The following NKD1 variants were observed in gnomAD, a reference collection of about 807,000 sequenced individuals.
NKD1 encodes protein naked cuticle homolog 1.
In NKD1, 21 loss-of-function variants were observed where a neutral mutation model predicts 56.0. That is an observed-to-expected ratio of 0.38 (90% CI 0.27 to 0.54). The LOEUF is 0.54. NKD1 is among the 20% of genes least tolerant of loss of function. The pLI is 0.82. For missense variants in NKD1, 578 were observed against 642.7 expected, an observed-to-expected ratio of 0.90 and a Z score of 1.09; for synonymous variants, 263 against 265.7, an observed-to-expected ratio of 0.99 and a Z score of 0.10.
intron 3 of NKD1, among the ~76,000 whole-genome samples, chr16:50,592,687 A>G (rs1272301026): frequency 6.6e-6 from 1 of 150,862 alleles, no homozygotes; most frequent in Non-Finnish European, 1.5e-5. Flanking sequence ...CCGGGGCTCC[A>G]GGGATGGCTT....
intron 3 of NKD1, chr16:50,606,834 G>A (rs1223317366): frequency 4.4e-6 from 2 of 456,700 alleles, no homozygotes; most frequent in South Asian, 1.5e-5. Flanking sequence ...GCCTTTCAGG[G>A]GGCGGTGGCA....
intron 4 of NKD1, among the ~76,000 whole-genome samples, chr16:50,618,494 T>C (rs903882978): frequency 6.6e-6 from 1 of 152,200 alleles, no homozygotes; most frequent in Non-Finnish European, 1.5e-5. Flanking sequence ...GGCTGGGGGC[T>C]GTGGTGGCTT....
At chr16:50,548,685 G>A (rs1424734174) in intron 1 of NKD1, 32 bp from the exon 2 acceptor site, 1 of 1,461,326 alleles carries the variant, frequency 6.8e-7, no homozygotes, top group East Asian at 3.0e-5. Context: ...CGCGGCTGCC[G>A]CCGCCGCCGC....
At chr16:50,630,765 TG>T in intron 7 of NKD1, 60 bp from the exon 8 acceptor site, 1 of 1,443,588 alleles carries the variant, frequency 6.9e-7, no homozygotes. Context: ...CAGGCAGCCC[TG>T]GGGAGGGTGG....
chr16:50,555,152 G>A (rs553494153), intron 3 of NKD1, among the ~76,000 whole-genome samples: 36 of 152,256 alleles, frequency 2.4e-4, no homozygotes, highest in Admixed American at 2.0e-3. Flanking sequence ...TGGAGGTGGG[G>A]GGAAGAGCTG....
Position 50,583,055 on chromosome 16 carries a change from G to A in NKD1, c.193-25239G>A, listed in dbSNP as rs139140341. 2.4e-4 allele frequency among the ~76,000 whole-genome samples: 37 copies of A among 152,304 alleles called. 2 individuals carry two copies. In the East Asian group the frequency reaches 5.2e-3, roughly 21 times the overall value. ...CCATTTCAGGATGTGTGCTGCTACCGACTTGGGTGTTAGGCAGAGGGGGCC... is the reference window on the plus strand; with the variant it reads ...CCATTTCAGGATGTGTGCTGCTACCAACTTGGGTGTTAGGCAGAGGGGGCC... On this transcript the variant is annotated intron_variant, in intron 3 of 9. Coordinates refer to ENST00000268459, the MANE Select transcript of NKD1 (RefSeq NM_033119.5).
rs780519274 is a variant in NKD1 at position 50,633,599 on chromosome 16, C to A, written c.1231C>A (p.Gln411Lys). ...KHKHRAKESQ[Q>K]GCRGLQAPLA... ...CAAGCACCGAGCCAAGGAGAGCCAG[C>A]AGGGCTGCCGGGGCCTGCAGGCACC... is the stretch of plus-strand genomic sequence containing the variant. Residue 411 changes from glutamine (Q) to lysine (K), a missense_variant, in exon 10 of 10, where the codon CAG becomes AAG. By Grantham distance (53) the Gln-to-Lys change is moderately conservative (BLOSUM62 1). Transcript: ENST00000268459. This position sits in a 1 kb window ranked among gnomAD's most constrained non-coding sequence, Gnocchi z 4.9. The A allele has an allele frequency of 9.3e-6, 15 of 1,611,186 alleles. No individual in the cohort carries two copies. The highest frequency in any genetic ancestry group is 1.3e-5 in the Non-Finnish European group (15 of 1,179,372).
chr16:50,576,786 T>C (rs1961003318), intron 3 of NKD1, among the ~76,000 whole-genome samples: 1 of 151,974 alleles, frequency 6.6e-6, no homozygotes, highest in Admixed American at 6.6e-5. Flanking sequence ...AAAAACTCAT[T>C]TTGGGAAAAG....
intron 3 of NKD1, chr16:50,573,971 A>T: frequency 5.1e-6 from 5 of 981,030 alleles, no homozygotes; most frequent in Non-Finnish European, 6.1e-6. Context: ...TATGACATAT[A>T]TGTATGTATA....
At chr16:50,581,876 A>C (rs755789123) in intron 3 of NKD1, among the ~76,000 whole-genome samples, 1 of 152,174 alleles carries the variant, frequency 6.6e-6, no homozygotes, top group Non-Finnish European at 1.5e-5. Context: ...TGGAAAGGGC[A>C]GGGTGGTTCA....
chr16:50,627,976 G>A (rs573309989), intron 6 of NKD1, among the ~76,000 whole-genome samples: 1 of 152,164 alleles, frequency 6.6e-6, no homozygotes, highest in Admixed American at 6.5e-5. Context: ...GAGCAAATGG[G>A]GCCTTATGGA....
chr16:50,619,920 G>C (rs1464094554), intron 4 of NKD1, among the ~76,000 whole-genome samples: 1 of 152,216 alleles, frequency 6.6e-6, no homozygotes, highest in Non-Finnish European at 1.5e-5. Context: ...ATTGAGCCAT[G>C]AAAGGCATGG....
intron 3 of NKD1, among the ~76,000 whole-genome samples, chr16:50,593,887 C>A (rs1317961099): frequency 6.6e-6 from 1 of 152,086 alleles, no homozygotes; most frequent in Non-Finnish European, 1.5e-5. Flanking sequence ...TAGAAAGCCG[C>A]CAGGGAAAAT....
At chr16:50,607,893 C>A (rs1366620591) in intron 3 of NKD1, 2 of 196,674 alleles carry the variant, frequency 1.0e-5, no homozygotes, top group Non-Finnish European at 2.1e-5. Context: ...TGTGGACCAG[C>A]AACACTCCCC....
chr16:50,559,707 G>A (rs1960581344), intron 3 of NKD1, among the ~76,000 whole-genome samples: 1 of 152,162 alleles, frequency 6.6e-6, no homozygotes, highest in Non-Finnish European at 1.5e-5. Flanking sequence ...TTCTGGTCAG[G>A]TTGGAAGAGG....
intron 3 of NKD1, among the ~76,000 whole-genome samples, chr16:50,560,256 G>C (rs1002958559): frequency 4.6e-5 from 7 of 152,202 alleles, no homozygotes; most frequent in Non-Finnish European, 4.4e-5. Context: ...GCTGGTCCTG[G>C]GCACGTGCCT....
chr16:50,548,492 G>A lies in NKD1; in HGVS notation c.-62G>A, dbSNP rs1960284725. On this transcript the variant is annotated 5_prime_UTR_variant, in exon 1 of 10. Coordinates refer to ENST00000268459, the MANE Select transcript of NKD1 (RefSeq NM_033119.5). ...CTTCGGGAGGAGGAGAGCCAAGGGA[G>A]GCGCCAGGCCCGCGGGCCGGGCGCA... The A allele has an allele frequency of 2.2e-6, 3 of 1,357,610 alleles. No individual in the cohort carries two copies. Among genetic ancestry groups the A allele is most frequent in the African/African-American group, 1.5e-5 (1 of 64,838 alleles). The allele number at this position is 1,357,610 out of a possible 1,614,324, so 84.1% of individuals were successfully genotyped here. A position where few individuals can be genotyped will look rare whatever the true frequency, so the allele number is the denominator to read the frequency against.
Position 50,549,321 on chromosome 16 carries a change from C to CG in NKD1, c.59-100dup, listed in dbSNP as rs755697041. The CG allele has an allele frequency of 2.4e-4, 341 of 1,450,714 alleles. No homozygotes were observed. The Middle Eastern group carries it at 2.5e-3, about 11-fold the overall frequency. 89.9% of individuals were successfully genotyped at this position (1,450,714 alleles called of 1,614,324 possible). A position where few individuals can be genotyped will look rare whatever the true frequency, so the allele number is the denominator to read the frequency against. ...GCGAACCCCCTCCTGGCCCCCGTGCCGTGGTCCTTCGCCTCCCACCGCGCC... is the reference window on the plus strand; with the variant it reads ...GCGAACCCCCTCCTGGCCCCCGTGCCGGTGGTCCTTCGCCTCCCACCGCGCC... On this transcript the variant is annotated intron_variant, in intron 2 of 9. Transcript: ENST00000268459.
intron 4 of NKD1, among the ~76,000 whole-genome samples, chr16:50,612,840 GT>G (rs1422405716): frequency 6.6e-6 from 1 of 152,216 alleles, no homozygotes; most frequent in East Asian, 1.9e-4. Context: ...TGCCCAGATG[GT>G]TGGGTGGGTG....
Sources: allele counts gnomAD v4.1 joint callset (sites outside exome capture counted in the v4.1 genomes callset), GRCh38; gene constraint gnomAD v4.1.1; non-coding constraint Gnocchi (gnomAD v3.1); transcripts MANE v1.5; gene names NCBI Gene and HGNC (gene_info 2026-07-23, HGNC 2026-07-21).